Variants in GPM6B observed in about 807,000 individuals in gnomAD.
The protein encoded by GPM6B is glycoprotein M6B, also known as neuronal membrane glycoprotein M6-b.
In GPM6B, 4 loss-of-function variants were observed where a neutral mutation model predicts 27.2. The ratio of observed to expected loss-of-function variants is 0.15; its 90% CI spans 0.07 to 0.34. The LOEUF is 0.34. GPM6B is among the 10% of genes least tolerant of loss of function. The pLI is 1.00. For synonymous variants in GPM6B, 124 were observed against 103.1 expected, an observed-to-expected ratio of 1.20 and a Z score of -1.23; for missense variants, 183 against 261.9, an observed-to-expected ratio of 0.70 and a Z score of 2.08.
chrX:13,817,480 C>T (rs1385328311), upstream of GPM6B: 2 of 262,029 alleles, frequency 7.6e-6, no homozygotes, highest in Non-Finnish European at 1.1e-5. Context: ...CAATATATGT[C>T]GTCTCTAAGG....
chrX:13,840,486 G>A (rs1004181659), intron 1 of GPM6B, among the ~76,000 whole-genome samples: 8 of 111,419 alleles, frequency 7.2e-5, no homozygotes, highest in East Asian at 2.8e-4. Flanking sequence ...TAGTAGAAGC[G>A]CAATAAATAT....
intron 1 of GPM6B, among the ~76,000 whole-genome samples, chrX:13,826,551 TACATACATACAC>T (rs199585963): frequency 0.35 from 33,461 of 95,916 alleles, 5,022 homozygotes; most frequent in Non-Finnish European, 0.46. Context: ...TTAAAATACA[TACATACATACAC>T]ACATACATAC....
rs777838299 is a variant in GPM6B at position 13,836,479 on chromosome X, G to A, written c.-197-50671C>T. ...ATGAAGTTCTGTGGATATAAATAAC[G>A]TCCCATTTTTACAGTGCAAAGATTT... is the stretch of plus-strand genomic sequence containing the variant. On this transcript the variant is annotated intron_variant, in intron 1 of 6. Coordinates refer to the GPM6B transcript ENST00000398361. 3.6e-5 allele frequency among the ~76,000 whole-genome samples: 4 copies of A among 112,355 alleles called. No homozygotes were observed. In the South Asian group the frequency reaches 1.5e-3, roughly 41 times the overall value.
chrX:13,817,238 G>C (rs1216643393), upstream of GPM6B: 102 of 835,255 alleles, frequency 1.2e-4, no homozygotes, highest in Non-Finnish European at 8.7e-6. Flanking sequence ...GGGGGTGGGG[G>C]AGAAGGACCT....
At chrX:13,793,167 C>A (rs771220425) in intron 2 of GPM6B, among the ~76,000 whole-genome samples, 2 of 111,181 alleles carry the variant, frequency 1.8e-5, no homozygotes, top group African/African-American at 6.5e-5. Context: ...CTGGAGGCTT[C>A]ACCTACAGGA....
intron 3 of GPM6B, among the ~76,000 whole-genome samples, chrX:13,784,834 A>G (rs2048579963): frequency 9.0e-6 from 1 of 111,504 alleles, no homozygotes; most frequent in African/African-American, 3.3e-5. Flanking sequence ...CTCTTCTGCA[A>G]TGGAGGATGC....
At position 13,922,039 on chromosome X, in the gene GPM6B, A is replaced by G. The variant is rs1920984402; in HGVS notation, c.-198+16288T>C. ...AAGCTGACATGGCACACTAGTGGGC[A>G]TGTCTTACAGAAAGCTGCTTCCACC... On this transcript the variant is annotated intron_variant, in intron 1 of 6. Coordinates refer to the GPM6B transcript ENST00000398361. 2.7e-5 allele frequency among the ~76,000 whole-genome samples: 3 copies of G among 111,728 alleles called. No homozygotes were observed. The Admixed American group carries it at 2.8e-4, about 11-fold the overall frequency.
chrX:13,931,393 C>T (rs1237669289), intron 1 of GPM6B, among the ~76,000 whole-genome samples: 1 of 108,523 alleles, frequency 9.2e-6, no homozygotes. Flanking sequence ...GAGGCTGAGG[C>T]GAGAGAATGG....
At chrX:13,783,567 G>C in intron 3 of GPM6B, 46 bp from the exon 4 acceptor site, 1 of 1,061,405 alleles carries the variant, frequency 9.4e-7, no homozygotes, top group East Asian at 3.1e-5. Flanking sequence ...TCACTGCCTG[G>C]TAGTGACTAC....
At chrX:13,805,525 T>C (rs2049006025) in intron 2 of GPM6B, among the ~76,000 whole-genome samples, 1 of 112,453 alleles carries the variant, frequency 8.9e-6, no homozygotes, top group Admixed American at 9.4e-5. Flanking sequence ...TTTGGAATTC[T>C]GAAAGAAATC....
At chrX:13,786,681 C>A (rs1223481324) in intron 2 of GPM6B, among the ~76,000 whole-genome samples, 7 of 110,829 alleles carry the variant, frequency 6.3e-5, no homozygotes, top group African/African-American at 2.3e-4. Context: ...AAGAAAAAAA[C>A]AAAACCAAAA....
At chrX:13,825,057 A>C (rs779703915) in intron 1 of GPM6B, among the ~76,000 whole-genome samples, 3 of 111,779 alleles carry the variant, frequency 2.7e-5, no homozygotes, top group African/African-American at 6.6e-5. Context: ...GTCTCTTCTT[A>C]TAAGGACACC....
At chrX:13,837,656 C>G (rs974958972) in intron 1 of GPM6B, among the ~76,000 whole-genome samples, 1 of 106,058 alleles carries the variant, frequency 9.4e-6, no homozygotes, top group Non-Finnish European at 2.0e-5. Context: ...TTAGCATATT[C>G]CCCCCCTCCA....
In GPM6B at chrX:13,828,018, G is replaced by A. The variant is rs148208663; in HGVS notation, c.-197-42210C>T. ...ACACAGATGCCCACATACCTCTTGG[G>A]GAACCAGACCCCTTCAAATCCACCC... On this transcript the variant is annotated intron_variant, in intron 1 of 6. Transcript: ENST00000398361. Among the ~76,000 whole-genome samples the A allele has an allele frequency of 3.9e-3, 428 of 111,107 alleles. 1 individual carries two copies. Among genetic ancestry groups the A allele is most frequent in the South Asian group, 0.024 (61 of 2,577 alleles).
intron 1 of GPM6B, among the ~76,000 whole-genome samples, chrX:13,930,912 A>G (rs1489646522): frequency 2.7e-5 from 3 of 111,941 alleles, no homozygotes; most frequent in Non-Finnish European, 3.8e-5. Flanking sequence ...GGCTGGGCAC[A>G]GTGGCTCACA....
intron 1 of GPM6B, among the ~76,000 whole-genome samples, chrX:13,855,641 G>A (rs908353375): frequency 9.0e-6 from 1 of 111,685 alleles, no homozygotes; most frequent in Non-Finnish European, 1.9e-5. Flanking sequence ...ATCAGTGTAC[G>A]GTCAAGTATG....
chrX:13,903,885 T>C (rs1216407480), intron 1 of GPM6B, among the ~76,000 whole-genome samples: 1 of 110,271 alleles, frequency 9.1e-6, no homozygotes, highest in Admixed American at 9.6e-5. Flanking sequence ...TATGGGAAAA[T>C]GGGGTGGGGG....
In GPM6B at chrX:13,851,467, G is replaced by T. The variant is rs184849979; in HGVS notation, c.-197-65659C>A. 3.1e-3 allele frequency among the ~76,000 whole-genome samples: 344 copies of T among 111,307 alleles called. 2 individuals carry two copies. The highest frequency in any genetic ancestry group is 9.3e-3 in the Middle Eastern group (2 of 214). On this transcript the variant is annotated intron_variant, in intron 1 of 6. Coordinates refer to the GPM6B transcript ENST00000398361. ...GCCTGACACACAGTAGGCCCTCAGT[G>T]AACAGTAGCTATCATCATTACTCAT...
intron 1 of GPM6B, among the ~76,000 whole-genome samples, chrX:13,892,607 C>T (rs1173636154): frequency 8.9e-6 from 1 of 111,854 alleles, no homozygotes; most frequent in Non-Finnish European, 1.9e-5. Flanking sequence ...GTCACCCAGG[C>T]TGGATTCAAA....
Sources: allele counts gnomAD v4.1 joint callset (sites outside exome capture counted in the v4.1 genomes callset), GRCh38; gene constraint gnomAD v4.1.1; transcripts MANE v1.5; gene names NCBI Gene and HGNC (gene_info 2026-07-23, HGNC 2026-07-21).